Variants in ANXA4 observed in about 807,000 individuals in gnomAD.
ANXA4 encodes the protein annexin A4, also known as 35-beta calcimedin.
ANXA4 carries 39 observed loss-of-function variants against 49.8 expected under a neutral mutation model. The ratio of observed to expected loss-of-function variants is 0.78; its 90% CI spans 0.61 to 1.02. The LOEUF (loss-of-function observed/expected upper bound fraction) is 1.02. ANXA4 is among the 50% of genes least tolerant of loss of function. ANXA4 has a pLI of 0.00. For synonymous variants in ANXA4, 134 were observed against 152.5 expected, an observed-to-expected ratio of 0.88 and a Z score of 0.89; for missense variants, 360 against 410.1, an observed-to-expected ratio of 0.88 and a Z score of 1.05.
intron 1 of ANXA4, among the ~76,000 whole-genome samples, chr2:69,755,960 T>C (rs1188529659): frequency 1.3e-5 from 2 of 152,264 alleles, no homozygotes; most frequent in East Asian, 1.9e-4. Flanking sequence ...ATGTCTATTA[T>C]ATCTGTGTGG....
intron 2 of ANXA4, among the ~76,000 whole-genome samples, chr2:69,661,003 C>T (rs1408037861): frequency 1.3e-5 from 2 of 151,980 alleles, no homozygotes; most frequent in Non-Finnish European, 2.9e-5. Flanking sequence ...CATTTACTGA[C>T]AAAGACATAC....
chr2:69,785,012 G>A (rs1050778768), intron 2 of ANXA4, among the ~76,000 whole-genome samples: 2 of 152,192 alleles, frequency 1.3e-5, no homozygotes, highest in Non-Finnish European at 2.9e-5. Context: ...CTGAGGTGCT[G>A]GAGGTTAGGA....
At chr2:69,821,993 G>A (rs1221268480) in intron 12 of ANXA4, among the ~76,000 whole-genome samples, 1 of 152,142 alleles carries the variant, frequency 6.6e-6, no homozygotes, top group Non-Finnish European at 1.5e-5. Flanking sequence ...TGCACTGTTG[G>A]TAGGAATATA....
intron 2 of ANXA4, among the ~76,000 whole-genome samples, chr2:69,786,018 A>G (rs1672399579): frequency 6.6e-6 from 1 of 152,134 alleles, no homozygotes; most frequent in Non-Finnish European, 1.5e-5. Flanking sequence ...ACTTTATTAT[A>G]CTGGATGTGA....
chr2:69,651,620 G>A (rs958374610), intron 1 of ANXA4, among the ~76,000 whole-genome samples: 94 of 148,636 alleles, frequency 6.3e-4, no homozygotes, highest in Non-Finnish European at 7.0e-4. Flanking sequence ...CTCCTGCCTC[G>A]GCCTCCGGAG....
At chr2:69,791,326 C>G (rs1487510343) in intron 3 of ANXA4, among the ~76,000 whole-genome samples, 1 of 152,224 alleles carries the variant, frequency 6.6e-6, no homozygotes, top group African/African-American at 2.4e-5. Context: ...GAAATATACC[C>G]TTCTAGTCAA....
chr2:69,816,080 C>T (rs775750601), intron 8 of ANXA4, 21 bp from the exon 9 acceptor site: 4 of 1,602,090 alleles, frequency 2.5e-6, no homozygotes, highest in East Asian at 2.2e-5. Flanking sequence ...AATTTTAGAC[C>T]TGTGCTTTGT....
intron 8 of ANXA4, among the ~76,000 whole-genome samples, chr2:69,814,220 A>G (rs552167846): frequency 1.3e-5 from 2 of 152,266 alleles, no homozygotes; most frequent in South Asian, 4.1e-4. Flanking sequence ...GGAGCACGGC[A>G]GCTGGGTTTC....
At chr2:69,690,983 A>G (rs1677945186) in intron 2 of ANXA4, among the ~76,000 whole-genome samples, 1 of 152,218 alleles carries the variant, frequency 6.6e-6, no homozygotes, top group Non-Finnish European at 1.5e-5. Context: ...ATATGTATAA[A>G]TGAATTCTAG....
At chr2:69,810,800 CT>C in intron 7 of ANXA4, 127 bp downstream of exon 7, 1 of 722,108 alleles carries the variant, frequency 1.4e-6, no homozygotes, top group Non-Finnish European at 2.4e-6. Context: ...TCAGACCCCT[CT>C]GTTCCTTTAT....
In ANXA4 at chr2:69,810,659, G is replaced by A. The variant is rs769626351; in HGVS notation, c.463G>A (p.Val155Met). 1.9e-6 allele frequency: 3 copies of A among 1,613,960 alleles called. No homozygotes were observed. Among genetic ancestry groups the A allele is most frequent in the South Asian group, 1.1e-5 (1 of 91,082 alleles). Residue 155 changes from valine to methionine, a missense_variant, in exon 7 of 13, where the codon GTG becomes ATG. Physicochemically the swap from Val to Met is conservative, Grantham distance 21. Coordinates refer to ENST00000394295, the MANE Select transcript of ANXA4 (RefSeq NM_001153.5). ...ATCGTTCATGTTCCAGCGAGTGCTG[G>A]TGTCTCTGTCAGCTGTGAGTGACTG... ...DTSFMFQRVLVSLSAGGRDEG... is the reference protein window; with the variant it reads ...DTSFMFQRVLMSLSAGGRDEG...
chr2:69,822,722 G>A (rs769202958), intron 12 of ANXA4, among the ~76,000 whole-genome samples: 1 of 152,170 alleles, frequency 6.6e-6, no homozygotes, highest in Non-Finnish European at 1.5e-5. Flanking sequence ...TAGATTCATA[G>A]GGACAGAAAG....
chr2:69,685,125 A>G (rs1677741705), intron 2 of ANXA4, among the ~76,000 whole-genome samples: 2 of 152,264 alleles, frequency 1.3e-5, no homozygotes, highest in East Asian at 1.9e-4. Flanking sequence ...AAAAAAATGT[A>G]GATAATGGTC....
intron 2 of ANXA4, among the ~76,000 whole-genome samples, chr2:69,670,281 A>G (rs569830843): frequency 1.3e-5 from 2 of 152,048 alleles, no homozygotes; most frequent in East Asian, 3.9e-4. Context: ...CTCTACTAAA[A>G]ACACATAAAT....
intron 2 of ANXA4, among the ~76,000 whole-genome samples, chr2:69,697,880 C>T (rs1678207512): frequency 6.7e-6 from 1 of 149,816 alleles, no homozygotes; most frequent in Non-Finnish European, 1.5e-5. Context: ...CAAAGTGGTT[C>T]ATTCCTATAA....
At chr2:69,757,433 A>AT (rs1295378693) in intron 1 of ANXA4, among the ~76,000 whole-genome samples, 10 of 133,374 alleles carry the variant, frequency 7.5e-5, no homozygotes, top group African/African-American at 3.0e-4. Context: ...ACCACGCCTA[A>AT]TTTTTTGTTT....
At chr2:69,764,198 T>C (rs1440844522) in intron 1 of ANXA4, among the ~76,000 whole-genome samples, 1 of 152,148 alleles carries the variant, frequency 6.6e-6, no homozygotes, top group Admixed American at 6.5e-5. Flanking sequence ...CGTCTTGGGG[T>C]TCCTGTGTGA....
Position 69,826,763 on chromosome 2 carries a change from C to G in ANXA4, c.*1248C>G, listed in dbSNP as rs1674486997. 7.1e-6 allele frequency: 1 copy of G among 140,018 alleles called. No homozygotes were observed. The highest frequency in any genetic ancestry group is 1.5e-5 in the Non-Finnish European group (1 of 66,018). 8.7% of individuals were successfully genotyped at this position (140,018 alleles called of 1,614,324 possible). The stretch of plus-strand genomic sequence containing the variant: ...GCCGAGATCACGCCAGCCTGGGCGA[C>G]AGAGCGAGAATCCATCTAAAAAAAA... On this transcript the variant is annotated 3_prime_UTR_variant, in exon 13 of 13. Coordinates refer to ENST00000394295, the MANE Select transcript of ANXA4 (RefSeq NM_001153.5).
intron 1 of ANXA4, among the ~76,000 whole-genome samples, chr2:69,761,811 T>G (rs1671302176): frequency 6.6e-6 from 1 of 150,606 alleles, no homozygotes; most frequent in African/African-American, 2.4e-5. Context: ...AATGTGTCCA[T>G]AGCTACTTTT....
Sources: gnomAD v4.1 joint callset for allele counts (sites outside exome capture counted in the v4.1 genomes callset) on GRCh38, gnomAD v4.1.1 for gene constraint, MANE v1.5 for transcripts, NCBI Gene and HGNC (gene_info 2026-07-23, HGNC 2026-07-21) for gene names.